Variants in ARHGEF37 observed in about 807,000 individuals in gnomAD.
ARHGEF37 encodes the protein Rho guanine nucleotide exchange factor (GEF) 37.
Under a neutral mutation model 71.1 loss-of-function variants are expected in ARHGEF37, and 55 were observed. The ratio of observed to expected loss-of-function variants is 0.77; its 90% CI spans 0.62 to 0.97. The LOEUF (loss-of-function observed/expected upper bound fraction) is 0.97, where lower values mean the gene tolerates loss of function less well. ARHGEF37 is among the 50% of genes least tolerant of loss of function. ARHGEF37 has a pLI of 0.00. For missense variants in ARHGEF37, 765 were observed against 836.8 expected, an observed-to-expected ratio of 0.91 and a Z score of 1.06; for synonymous variants, 327 against 350.6, an observed-to-expected ratio of 0.93 and a Z score of 0.75.
intron 1 of ARHGEF37, among the ~76,000 whole-genome samples, chr5:149,582,512 A>G (rs939336766): frequency 6.6e-6 from 1 of 152,206 alleles, no homozygotes; most frequent in African/African-American, 2.4e-5. Context: ...TTCATCCTCC[A>G]GGTTATTGTC....
intron 1 of ARHGEF37, among the ~76,000 whole-genome samples, chr5:149,588,519 G>A (rs1485706447): frequency 1.3e-5 from 2 of 151,688 alleles, no homozygotes; most frequent in East Asian, 2.0e-4. Context: ...GGCTGGTCTC[G>A]AACTCCTGGC....
chr5:149,579,771 G>A (rs1257554194), upstream of ARHGEF37, among the ~76,000 whole-genome samples: 4 of 151,652 alleles, frequency 2.6e-5, no homozygotes, highest in Admixed American at 1.3e-4. Context: ...TAGTAGAGAC[G>A]GGGTTTCAAC....
At chr5:149,552,103 T>C (rs944053316) in exon 1 of ARHGEF37, 2 of 151,468 alleles carry the variant, frequency 1.3e-5, no homozygotes, top group Non-Finnish European at 2.9e-5. Flanking sequence ...CTACCACATA[T>C]GATCTTCAGA....
chr5:149,610,287 C>T (rs550122139), intron 4 of ARHGEF37, among the ~76,000 whole-genome samples: 1 of 152,266 alleles, frequency 6.6e-6, no homozygotes, highest in East Asian at 1.9e-4. Flanking sequence ...CCTGAGGCTC[C>T]CTCTCTACCG....
intron 1 of ARHGEF37, among the ~76,000 whole-genome samples, chr5:149,597,112 G>A (rs944138196): frequency 7.2e-5 from 11 of 152,078 alleles, no homozygotes; most frequent in African/African-American, 2.7e-4. Context: ...ATGGGGTGTA[G>A]GGGGACCACT....
At chr5:149,616,874 A>T in intron 5 of ARHGEF37, 108 bp downstream of exon 5, 2 of 1,178,552 alleles carry the variant, frequency 1.7e-6, no homozygotes, top group Non-Finnish European at 2.4e-6. Context: ...GGCTTATGTA[A>T]CTATAAATCC....
intron 1 of ARHGEF37, among the ~76,000 whole-genome samples, chr5:149,590,505 C>T (rs1169514273): frequency 6.6e-6 from 1 of 152,022 alleles, no homozygotes; most frequent in Non-Finnish European, 1.5e-5. Context: ...TGGTCTCGAA[C>T]TCCTGACCTC....
chr5:149,617,116 G>A (rs1271631009), intron 5 of ARHGEF37, among the ~76,000 whole-genome samples: 4 of 152,216 alleles, frequency 2.6e-5, no homozygotes, highest in African/African-American at 4.8e-5. Context: ...CTCTTTGATA[G>A]GACCCACCTG....
chr5:149,562,902 C>T (rs1209280815), intron 1 of ARHGEF37, among the ~76,000 whole-genome samples: 1 of 152,180 alleles, frequency 6.6e-6, no homozygotes, highest in African/African-American at 2.4e-5. Flanking sequence ...CCTAAGTAGG[C>T]TTACATTTGA....
At chr5:149,564,393 C>A (rs925164654) in intron 1 of ARHGEF37, among the ~76,000 whole-genome samples, 2 of 152,106 alleles carry the variant, frequency 1.3e-5, no homozygotes, top group Non-Finnish European at 1.5e-5. Flanking sequence ...CTCAAGGTTG[C>A]ATCTTGTACT....
intron 1 of ARHGEF37, among the ~76,000 whole-genome samples, chr5:149,585,280 T>A (rs1375281110): frequency 6.6e-6 from 1 of 152,124 alleles, no homozygotes; most frequent in Non-Finnish European, 1.5e-5. Context: ...TATACACTTA[T>A]CATGTTATCC....
chr5:149,559,497 C>A (rs991127532), intron 1 of ARHGEF37, among the ~76,000 whole-genome samples: 4 of 152,146 alleles, frequency 2.6e-5, no homozygotes, highest in Non-Finnish European at 4.4e-5. Context: ...CTAACCAATC[C>A]TCGTTGAGTA....
intron 4 of ARHGEF37, among the ~76,000 whole-genome samples, chr5:149,611,586 G>T (rs1472417413): frequency 1.3e-5 from 2 of 152,256 alleles, no homozygotes; most frequent in Non-Finnish European, 2.9e-5. Flanking sequence ...GGTGGATGTG[G>T]CTTGGCCCCT....
upstream of ARHGEF37, among the ~76,000 whole-genome samples, chr5:149,581,272 G>A (rs1580889041): frequency 6.6e-6 from 1 of 152,366 alleles, no homozygotes; most frequent in Non-Finnish European, 1.5e-5. Flanking sequence ...AGAGGCCGCG[G>A]GAGGGTGGGT....
At chr5:149,629,081 G>A (rs955095350) in intron 12 of ARHGEF37, 115 bp downstream of exon 12, 84 of 1,325,332 alleles carry the variant, frequency 6.3e-5, no homozygotes, top group Admixed American at 1.0e-4. Context: ...CTGCCACTCT[G>A]TGAGACCAAG....
At chr5:149,553,615 CG>C (rs371519297) in intron 1 of ARHGEF37, among the ~76,000 whole-genome samples, 3 of 151,912 alleles carry the variant, frequency 2.0e-5, no homozygotes, top group African/African-American at 7.3e-5. Flanking sequence ...TCAATGAAGC[CG>C]GGGGCAGGGT....
chr5:149,611,701 C>G (rs1373951277), intron 4 of ARHGEF37, among the ~76,000 whole-genome samples: 2 of 152,224 alleles, frequency 1.3e-5, no homozygotes, highest in Non-Finnish European at 2.9e-5. Context: ...ACACGAGTGA[C>G]ACTCAATGAA....
intron 1 of ARHGEF37, among the ~76,000 whole-genome samples, chr5:149,585,559 C>T (rs936890877): frequency 2.0e-5 from 3 of 152,104 alleles, no homozygotes; most frequent in Non-Finnish European, 4.4e-5. Flanking sequence ...GCTCTGTTGC[C>T]CAGGCTGGAG....
chr5:149,601,204 A>C lies in ARHGEF37; in HGVS notation c.283A>C (p.Lys95Gln), dbSNP rs751208682. ...FLHDLQETASKEEEQVQLVGN... is the reference protein window; with the variant it reads ...FLHDLQETASQEEEQVQLVGN... ...CCATGATCTGCAGGAGACAGCCTCC[A>C]AGGAAGAGGAACAAGTGCAGCTAGT... Residue 95 changes from lysine (K) to glutamine (Q), a missense_variant, in exon 3 of 13, where the codon AAG becomes CAG. Lys to Gln is a moderately conservative substitution (Grantham distance 53). Transcript: ENST00000333677. 18 of 1,612,844 alleles carry C rather than the reference A, an allele frequency of 1.1e-5. No individual in the cohort carries two copies. The highest frequency in any genetic ancestry group is 3.3e-4 in the Middle Eastern group (2 of 6,082).
Sources: allele counts gnomAD v4.1 joint callset (sites outside exome capture counted in the v4.1 genomes callset), GRCh38; gene constraint gnomAD v4.1.1; transcripts MANE v1.5; gene names NCBI Gene and HGNC (gene_info 2026-07-23, HGNC 2026-07-21).